PRIMPOL: variants seen among roughly 807,000 people sequenced by gnomAD.
PRIMPOL encodes the protein DNA-directed primase/polymerase protein.
Under a neutral mutation model 63.6 loss-of-function variants are expected in PRIMPOL, and 54 were observed. The observed-to-expected ratio is 0.85, with a 90% CI of 0.68 to 1.07. PRIMPOL has a LOEUF of 1.07. Ranked by LOEUF, PRIMPOL falls within the 50% of genes least tolerant of loss-of-function variation. The pLI is 0.00. For missense variants in PRIMPOL, 610 were observed against 648.3 expected (o/e 0.94, Z 0.64); for synonymous variants, 197 against 220.2 (o/e 0.89, Z 0.93).
At chr4:184,656,402 A>G (rs746325008) in intron 2 of PRIMPOL, among the ~76,000 whole-genome samples, 6 of 149,514 alleles carry the variant, frequency 4.0e-5, no homozygotes, top group Non-Finnish European at 8.8e-5. Flanking sequence ...TCTTCTAAAA[A>G]CCTATTCTTT....
At chr4:184,654,460 T>TTTTTTGTTTTTTG (rs1434306040) in intron 2 of PRIMPOL, among the ~76,000 whole-genome samples, 22 of 147,088 alleles carry the variant, frequency 1.5e-4, no homozygotes, top group Non-Finnish European at 2.7e-4. Flanking sequence ...GCAGTTTTTT[T>TTTTTTGTTTTTTG]TTTTTTTTGA....
At chr4:184,691,330 T>C (rs1420759273) in intron 11 of PRIMPOL, 169 bp from the exon 12 acceptor site, 7 of 523,426 alleles carry the variant, frequency 1.3e-5, no homozygotes, top group African/African-American at 7.8e-5. Flanking sequence ...TTTTGTGTGA[T>C]TTTTGGCAAC....
chr4:184,675,048 A>T (rs2705898), intron 7 of PRIMPOL, among the ~76,000 whole-genome samples: 147,645 of 152,312 alleles, frequency 0.97, 71,739 homozygotes, highest in East Asian at 1. Context: ...ACTGCAAGGA[A>T]CACTTTTGAC....
At chr4:184,685,987 A>G (rs956878630) in intron 11 of PRIMPOL, among the ~76,000 whole-genome samples, 5 of 152,100 alleles carry the variant, frequency 3.3e-5, no homozygotes, top group Middle Eastern at 3.4e-3. Context: ...TTTTTAGTAG[A>G]GACAAGGTTT....
chr4:184,693,824 A>G (rs1358270941), intron 13 of PRIMPOL, among the ~76,000 whole-genome samples: 2 of 152,148 alleles, frequency 1.3e-5, no homozygotes, highest in East Asian at 1.9e-4. Context: ...CACGTAGCGG[A>G]AAGAATAAGA....
At chr4:184,668,987 T>C (rs72689255) in intron 6 of PRIMPOL, among the ~76,000 whole-genome samples, 14,325 of 152,230 alleles carry the variant, frequency 0.094, 840 homozygotes, top group Middle Eastern at 0.16. Flanking sequence ...GCTCCTATCA[T>C]GGGCCACATT....
chr4:184,659,077 G>A (rs1221412280), intron 3 of PRIMPOL, among the ~76,000 whole-genome samples: 4 of 152,064 alleles, frequency 2.6e-5, no homozygotes, highest in African/African-American at 9.7e-5. Context: ...ATATTTTTAA[G>A]AGTGGTTTCT....
At position 184,656,107 on chromosome 4, in the gene PRIMPOL, A is replaced by G. The variant is rs557789968; in HGVS notation, c.-59-975A>G. 3.8e-4 allele frequency among the ~76,000 whole-genome samples: 58 copies of G among 152,288 alleles called. 1 individual carries two copies. The highest frequency in any genetic ancestry group is 2.6e-4 in the Admixed American group (4 of 15,294). On this transcript the variant is annotated intron_variant, in intron 2 of 13. Coordinates refer to ENST00000314970, the MANE Select transcript of PRIMPOL (RefSeq NM_152683.4). ...CTGCTTATGCTGGCTGTTGGCTGCAATTCCTTGGTTCTTTTCCATGTGGGC... is the reference window on the plus strand; with the variant it reads ...CTGCTTATGCTGGCTGTTGGCTGCAGTTCCTTGGTTCTTTTCCATGTGGGC...
intron 6 of PRIMPOL, among the ~76,000 whole-genome samples, chr4:184,667,553 G>T (rs940079172): frequency 2.6e-5 from 4 of 152,126 alleles, no homozygotes; most frequent in Non-Finnish European, 5.9e-5. Context: ...CTTGTGATCT[G>T]CCCGCCTTGG....
chr4:184,683,414 C>T (rs1162374037), intron 9 of PRIMPOL, among the ~76,000 whole-genome samples: 2 of 146,384 alleles, frequency 1.4e-5, no homozygotes, highest in Admixed American at 1.4e-4. Context: ...AAGAGTGAGA[C>T]TCCATCTCAA....
chr4:184,660,936 A>T (rs1748150990), intron 4 of PRIMPOL, among the ~76,000 whole-genome samples: 1 of 152,238 alleles, frequency 6.6e-6, no homozygotes, highest in Non-Finnish European at 1.5e-5. Context: ...TGTCAAAGTC[A>T]TTCCTCTTAA....
chr4:184,662,785 C>G (rs907147900), intron 5 of PRIMPOL, among the ~76,000 whole-genome samples: 8 of 151,690 alleles, frequency 5.3e-5, no homozygotes, highest in African/African-American at 1.7e-4. Flanking sequence ...TCTGTTGGAC[C>G]TCTACATGCT....
chr4:184,657,060 TTTTG>T lies in PRIMPOL; in HGVS notation c.-59-15_-59-12del. ...TTCTAAACAAAGAAATTAATGGCCT[TTTTG>T]TTTGTTGTTTGTTTTAGTAGTAATT... is the stretch of plus-strand genomic sequence containing the variant. On this transcript the variant is annotated intron_variant, in intron 2 of 13. Coordinates refer to ENST00000314970, the MANE Select transcript of PRIMPOL (RefSeq NM_152683.4). The T allele has an allele frequency of 9.4e-7, 1 of 1,064,592 alleles. No individual in the cohort carries two copies. The highest frequency in any genetic ancestry group is 1.3e-6 in the Non-Finnish European group (1 of 786,752). The allele number at this position is 1,064,592 out of a possible 1,614,324, so 65.9% of individuals were successfully genotyped here.
intron 3 of PRIMPOL, 47 bp downstream of exon 3, chr4:184,657,367 C>G: frequency 7.7e-7 from 1 of 1,292,972 alleles, no homozygotes; most frequent in Non-Finnish European, 1.1e-6. Flanking sequence ...TCCACTTCCT[C>G]TTCTTTCTTC....
rs752821391 is a variant in PRIMPOL, at chr4:184,657,095, A to T, written c.-46A>T. On this transcript the variant is annotated 5_prime_UTR_variant, in exon 3 of 14. Coordinates refer to ENST00000314970, the MANE Select transcript of PRIMPOL (RefSeq NM_152683.4). ...TGTTTGTTTTAGTAGTAATTGATAG[A>T]AATATTACGTGGGATAGGATTTATT... is the stretch of plus-strand genomic sequence containing the variant. 5 of 1,361,676 alleles carry T rather than the reference A, an allele frequency of 3.7e-6. No individual in the cohort carries two copies. The highest frequency in any genetic ancestry group is 4.9e-6 in the Non-Finnish European group (5 of 1,025,134). 84.3% of individuals were successfully genotyped at this position (1,361,676 alleles called of 1,614,324 possible).
rs73873016 is a variant in PRIMPOL at position 184,655,842 on chromosome 4, G to A, written c.-59-1240G>A. ...CCCAATATATCTGTTTTCCACATAGGTAAATTATGGCAGAGATGATATTAA... is the reference window on the plus strand; with the variant it reads ...CCCAATATATCTGTTTTCCACATAGATAAATTATGGCAGAGATGATATTAA... On this transcript the variant is annotated intron_variant, in intron 2 of 13. Coordinates refer to ENST00000314970, the MANE Select transcript of PRIMPOL (RefSeq NM_152683.4). 8.2e-3 allele frequency among the ~76,000 whole-genome samples: 1,254 copies of A among 152,202 alleles called. 18 individuals are homozygous for A. Among genetic ancestry groups the A allele is most frequent in the African/African-American group, 0.029 (1,189 of 41,514 alleles).
At chr4:184,657,411 A>C in intron 3 of PRIMPOL, 91 bp downstream of exon 3, 1 of 1,056,046 alleles carries the variant, frequency 9.5e-7, no homozygotes. Context: ...TCTTTAAAAA[A>C]AAAAGTCTAT....
At chr4:184,687,847 C>T (rs1448043436) in intron 11 of PRIMPOL, among the ~76,000 whole-genome samples, 1 of 152,208 alleles carries the variant, frequency 6.6e-6, no homozygotes, top group Non-Finnish European at 1.5e-5. Context: ...AACTCCCGAC[C>T]TCAGGTGATC....
intron 2 of PRIMPOL, among the ~76,000 whole-genome samples, chr4:184,652,752 A>C (rs1744920260): frequency 6.6e-6 from 1 of 152,146 alleles, no homozygotes. Context: ...ATAGAACTAG[A>C]GTATTGGCAG....
Sources: allele counts gnomAD v4.1 joint callset (sites outside exome capture counted in the v4.1 genomes callset), GRCh38; gene constraint gnomAD v4.1.1; transcripts MANE v1.5; gene names NCBI Gene and HGNC (gene_info 2026-07-23, HGNC 2026-07-21).